ARMH1: variants seen among roughly 807,000 people sequenced by gnomAD.
The protein encoded by ARMH1 is armadillo like helical domain containing 1, also known as armadillo-like helical domain containing protein 1.
ARMH1 carries 34 observed loss-of-function variants against 50.2 expected under a neutral mutation model. The observed-to-expected ratio is 0.68, with a 90% CI of 0.51 to 0.90. The LOEUF is 0.90. ARMH1 is among the 40% of genes least tolerant of loss of function. The probability of loss-of-function intolerance (pLI) is 0.00; values close to 1 mark genes in which losing one functional copy is unlikely to be tolerated. For missense variants in ARMH1, 538 were observed against 553.9 expected (o/e 0.97, Z 0.29); for synonymous variants, 221 against 224.2 (o/e 0.99, Z 0.13).
intron 4 of ARMH1, among the ~76,000 whole-genome samples, chr1:44,699,037 C>T (rs994620830): frequency 1.3e-5 from 2 of 151,700 alleles, no homozygotes; most frequent in Admixed American, 6.6e-5. Flanking sequence ...AATCCCAGCA[C>T]TTTGGGAGGC....
intron 6 of ARMH1, among the ~76,000 whole-genome samples, chr1:44,709,634 T>C (rs1646509892): frequency 6.6e-6 from 1 of 150,754 alleles, no homozygotes; most frequent in Admixed American, 6.6e-5. Context: ...ATCATGCCAT[T>C]GCACTCCAGC....
chr1:44,714,277 A>G (rs1026969466), intron 6 of ARMH1, among the ~76,000 whole-genome samples: 1 of 147,674 alleles, frequency 6.8e-6, no homozygotes, highest in African/African-American at 2.5e-5. Flanking sequence ...CTCAAAAAAA[A>G]GAAAAAAAAA....
At chr1:44,685,231 A>G (rs1028356949) in intron 1 of ARMH1, among the ~76,000 whole-genome samples, 1 of 152,202 alleles carries the variant, frequency 6.6e-6, no homozygotes, top group Non-Finnish European at 1.5e-5. Flanking sequence ...GAGTGAAAAA[A>G]ATAGACAAAG....
chr1:44,713,376 G>T (rs1279403576), intron 6 of ARMH1, among the ~76,000 whole-genome samples: 1 of 152,058 alleles, frequency 6.6e-6, no homozygotes, highest in East Asian at 1.9e-4. Context: ...TGGGATTACA[G>T]GTATGAGTCA....
At chr1:44,718,797 G>A (rs184788174) in intron 6 of ARMH1, among the ~76,000 whole-genome samples, 3 of 152,134 alleles carry the variant, frequency 2.0e-5, no homozygotes, top group African/African-American at 7.2e-5. Flanking sequence ...GGCCGAGGCA[G>A]GCGGATCACC....
At chr1:44,698,284 G>T (rs934230692) in intron 4 of ARMH1, 55 bp downstream of exon 4, 13 of 1,445,448 alleles carry the variant, frequency 9.0e-6, no homozygotes, top group South Asian at 1.4e-5. Context: ...TGACATGGTG[G>T]CAGAACCCAC....
intron 1 of ARMH1, among the ~76,000 whole-genome samples, chr1:44,687,935 T>C (rs1374517499): frequency 1.3e-5 from 2 of 152,086 alleles, no homozygotes; most frequent in Admixed American, 6.5e-5. Context: ...AATGGCACAT[T>C]GAGTTTTGAT....
intron 10 of ARMH1, 80 bp from the exon 11 acceptor site, chr1:44,725,056 C>G: frequency 6.5e-7 from 1 of 1,542,054 alleles, no homozygotes; most frequent in Admixed American, 2.0e-5. Flanking sequence ...CCCCCACCTG[C>G]AACATCCCTC....
chr1:44,678,267 G>C (rs1291496632), intron 1 of ARMH1, among the ~76,000 whole-genome samples: 1 of 152,070 alleles, frequency 6.6e-6, no homozygotes. Context: ...AGTGAGTCTG[G>C]GGAGAAGAAG....
chr1:44,698,209 A>C lies in ARMH1; in HGVS notation c.422A>C (p.Glu141Ala). 6.4e-7 allele frequency: 1 copy of C among 1,552,114 alleles called. No individual in the cohort carries two copies. The highest frequency in any genetic ancestry group is 8.7e-7 in the Non-Finnish European group (1 of 1,146,984). The change falls in exon 4 of 12, where the codon GAA (glutamate) becomes GCA (alanine). Residue 141 changes from glutamate to alanine, a missense_variant. Glu to Ala is a moderately radical substitution (Grantham distance 107). Transcript: ENST00000535358. ...GCGAACTCTGGCAGGACATACAAGG[A>C]ACTCATTTGTGAAAGCTATGGTGGG... Reference protein sequence around the residue: ...VIANSGRTYKELICESYGVRS... With the variant: ...VIANSGRTYKALICESYGVRS...
At chr1:44,686,813 C>T (rs895819468) in intron 1 of ARMH1, among the ~76,000 whole-genome samples, 17 of 149,270 alleles carry the variant, frequency 1.1e-4, no homozygotes, top group Admixed American at 5.3e-4. Context: ...AGGTGGCATG[C>T]GCCTGTAGCC....
At chr1:44,700,817 C>T in intron 4 of ARMH1, 106 bp from the exon 5 acceptor site, 1 of 1,018,786 alleles carries the variant, frequency 9.8e-7, no homozygotes, top group South Asian at 1.9e-5. Context: ...TTTGGTTGAA[C>T]AGGCTTGGTT....
At chr1:44,698,667 G>A (rs2148652475) in intron 4 of ARMH1, among the ~76,000 whole-genome samples, 1 of 151,202 alleles carries the variant, frequency 6.6e-6, no homozygotes, top group South Asian at 2.1e-4. Context: ...AAAAAAATTA[G>A]CCTGGTGCAG....
chr1:44,696,502 C>T (rs1008702966), intron 2 of ARMH1, among the ~76,000 whole-genome samples: 7 of 152,154 alleles, frequency 4.6e-5, no homozygotes, highest in African/African-American at 1.7e-4. Context: ...GCTTTGGGTA[C>T]TTTATTATAA....
intron 6 of ARMH1, among the ~76,000 whole-genome samples, chr1:44,711,451 A>G (rs370572621): frequency 8.5e-5 from 13 of 152,250 alleles, no homozygotes; most frequent in African/African-American, 3.1e-4. Flanking sequence ...CGTGTTTCAT[A>G]GACTTGTTGT....
At chr1:44,723,899 C>T (rs1573524696) in intron 6 of ARMH1, 1 of 528,342 alleles carries the variant, frequency 1.9e-6, no homozygotes, top group East Asian at 3.4e-5. Context: ...CCTAGGCCGC[C>T]TCGACAGGTG....
At position 44,724,341 on chromosome 1, in the gene ARMH1, C is replaced by T. The variant is rs1647896234; in HGVS notation, c.869C>T (p.Thr290Ile). The T allele has an allele frequency of 6.4e-7, 1 of 1,551,484 alleles. No individual in the cohort carries two copies. The highest frequency in any genetic ancestry group is 8.7e-7 in the Non-Finnish European group (1 of 1,146,966). Residue 290 changes from threonine to isoleucine, a missense_variant, in exon 8 of 12, where the codon ACC (threonine) becomes ATC (isoleucine). By Grantham distance (89) the Thr-to-Ile change is moderately conservative. Coordinates refer to ENST00000535358, the MANE Select transcript of ARMH1 (RefSeq NM_001145636.2). The surrounding 1 kb of genome is among the most constrained non-coding windows in gnomAD (Gnocchi z 6.4). ...ILSDPSVLQL[T>I]PSLPMFLQQA... ...TCAGACCCCTCGGTTCTCCAGCTCA[C>T]CCCCAGCCTGCCGATGTTTTTGCAG...
chr1:44,704,102 C>T lies in ARMH1; in HGVS notation c.653C>T (p.Thr218Ile). The T allele has an allele frequency of 6.4e-7, 1 of 1,550,764 alleles. No individual in the cohort carries two copies. The highest frequency in any genetic ancestry group is 8.7e-7 in the Non-Finnish European group (1 of 1,146,610). The change falls in exon 6 of 12, where the codon ACC (threonine) becomes ATC (isoleucine). Residue 218 changes from threonine (T) to isoleucine (I), a missense_variant. Coordinates refer to ENST00000535358, the MANE Select transcript of ARMH1 (RefSeq NM_001145636.2). ...TLRTAQPIIGTTHPSIVDCVL... is the reference protein window; with the variant it reads ...TLRTAQPIIGITHPSIVDCVL... Reference sequence around the variant, plus strand: ...CTGTCTGGTCAGCCAATCATTGGGACCACACACCCCAGCATCGTGGACTGC... The same window carrying T: ...CTGTCTGGTCAGCCAATCATTGGGATCACACACCCCAGCATCGTGGACTGC...
Position 44,724,470 on chromosome 1 carries a change from C to G in ARMH1, c.921-69C>G. 1 of 1,517,962 alleles carries G rather than the reference C, an allele frequency of 6.6e-7. No individual in the cohort carries two copies. Among genetic ancestry groups the G allele is most frequent in the Non-Finnish European group, 8.8e-7 (1 of 1,135,240 alleles). The allele number at this position is 1,517,962 out of a possible 1,614,324, so 94.0% of individuals were successfully genotyped here. A position where few individuals can be genotyped will look rare whatever the true frequency, so the allele number is the denominator to read the frequency against. ...CGGCGGGCCCCGGGAGCGCTCCGTG[C>G]GCCGGGTGGGCGGGGGTGTGCGCCG... On this transcript the variant is annotated intron_variant, in intron 8 of 11. Coordinates refer to ENST00000535358, the MANE Select transcript of ARMH1 (RefSeq NM_001145636.2). This position sits in a 1 kb window ranked among gnomAD's most constrained non-coding sequence, Gnocchi z 6.4.
Sources: allele counts gnomAD v4.1 joint callset (sites outside exome capture counted in the v4.1 genomes callset), GRCh38; gene constraint gnomAD v4.1.1; non-coding constraint Gnocchi (gnomAD v3.1); transcripts MANE v1.5; gene names NCBI Gene and HGNC (gene_info 2026-07-23, HGNC 2026-07-21).